UCK2: variants seen among roughly 807,000 people sequenced by gnomAD.
UCK2 encodes cytidine monophosphokinase 2.
A neutral mutation model predicts 30.8 loss-of-function variants in UCK2; 6 were observed. The ratio of observed to expected loss-of-function variants is 0.19; its 90% CI spans 0.11 to 0.38. The LOEUF is 0.38. Ranked by LOEUF, UCK2 falls within the 10% of genes least tolerant of loss-of-function variation. UCK2 has a pLI of 1.00. For missense variants in UCK2, 210 were observed against 339.8 expected (o/e 0.62, Z 3.00); for synonymous variants, 125 against 133.6 (o/e 0.94, Z 0.45).
chr1:165,874,809 G>A (rs1655293489), intron 1 of UCK2, among the ~76,000 whole-genome samples: 1 of 152,198 alleles, frequency 6.6e-6, no homozygotes, highest in Non-Finnish European at 1.5e-5. Context: ...TTCTAGAAGA[G>A]GGTGCTGTCC....
intron 1 of UCK2, among the ~76,000 whole-genome samples, chr1:165,877,067 G>A (rs1403174949): frequency 1.3e-5 from 2 of 152,008 alleles, no homozygotes; most frequent in African/African-American, 4.8e-5. Context: ...AGATTTTGGG[G>A]GGCAACAATG....
chr1:165,868,703 G>A (rs1470805513), intron 1 of UCK2, among the ~76,000 whole-genome samples: 1 of 152,220 alleles, frequency 6.6e-6, no homozygotes, highest in Non-Finnish European at 1.5e-5. Context: ...TCAAGGGAAT[G>A]TTATGGCTGG....
chr1:165,881,869 G>A (rs1655508640), intron 1 of UCK2, among the ~76,000 whole-genome samples: 2 of 152,166 alleles, frequency 1.3e-5, no homozygotes, highest in South Asian at 4.1e-4. Flanking sequence ...GGCACTTCAG[G>A]GAAAAGTCCT....
intron 1 of UCK2, among the ~76,000 whole-genome samples, chr1:165,871,376 C>G (rs987588480): frequency 1.3e-5 from 2 of 152,200 alleles, no homozygotes; most frequent in East Asian, 3.8e-4. Context: ...GGCCTGATCC[C>G]TTAGCATGTG....
At chr1:165,845,448 C>G (rs1292106062) in intron 1 of UCK2, among the ~76,000 whole-genome samples, 1 of 152,154 alleles carries the variant, frequency 6.6e-6, no homozygotes, top group Non-Finnish European at 1.5e-5. Context: ...AATGTTACCT[C>G]TCTTGGGAAA....
intron 1 of UCK2, among the ~76,000 whole-genome samples, chr1:165,838,342 T>C (rs900207995): frequency 6.6e-5 from 10 of 152,232 alleles, no homozygotes; most frequent in Admixed American, 2.0e-4. Flanking sequence ...TCCTAGTAAA[T>C]TAAGTCTACA....
At chr1:165,900,172 C>T (rs1647406853) in intron 4 of UCK2, 1 of 152,120 alleles carries the variant, frequency 6.6e-6, no homozygotes, top group Non-Finnish European at 1.5e-5. Flanking sequence ...TACCTGAATT[C>T]GAGGTTCCCG....
In UCK2 at chr1:165,880,614, T is replaced by A. The variant is rs182593628; in HGVS notation, c.100-9590T>A. On this transcript the variant is annotated intron_variant, in intron 1 of 6. Transcript: ENST00000367879. ...GTGTGTGTGTGTGTGTGTGTGTGTG[T>A]GATGTCTTTTGTGTTTGTCCTGTGG... Among the ~76,000 whole-genome samples the A allele has an allele frequency of 6.7e-3, 1,013 of 150,452 alleles. 20 individuals carry two copies. Among genetic ancestry groups the A allele is most frequent in the African/African-American group, 0.023 (933 of 40,758 alleles).
intron 1 of UCK2, among the ~76,000 whole-genome samples, chr1:165,861,644 AAAAAACAAAAAAAAAC>A (rs1276648938): frequency 2.2e-5 from 2 of 90,890 alleles, no homozygotes; most frequent in Non-Finnish European, 4.2e-5. Flanking sequence ...AAAAAAAAAA[AAAAAACAAAAAAAAAC>A]AACAGTAAAA....
intron 1 of UCK2, among the ~76,000 whole-genome samples, chr1:165,856,427 A>G (rs1345796255): frequency 1.4e-5 from 2 of 140,316 alleles, no homozygotes; most frequent in Non-Finnish European, 3.1e-5. Context: ...TTTTGTCATT[A>G]AAATTTCCTC....
At chr1:165,866,639 A>C (rs1402560413) in intron 1 of UCK2, among the ~76,000 whole-genome samples, 1 of 152,150 alleles carries the variant, frequency 6.6e-6, no homozygotes. Flanking sequence ...CATCTTCTCT[A>C]ACTTAAACTC....
intron 1 of UCK2, among the ~76,000 whole-genome samples, chr1:165,844,651 G>A (rs1036484571): frequency 2.0e-5 from 3 of 152,190 alleles, no homozygotes; most frequent in Admixed American, 2.0e-4. Context: ...AGAACTTTCA[G>A]CCCCATGCCC....
rs191711753 is a variant in UCK2, at chr1:165,903,100, G to A, written c.500-82G>A. The A allele has an allele frequency of 5.2e-5, 53 of 1,017,816 alleles. No homozygotes were observed. In the African/African-American group the frequency reaches 8.0e-4, roughly 15 times the overall value. 63.0% of individuals were successfully genotyped at this position (1,017,816 alleles called of 1,614,324 possible). On this transcript the variant is annotated intron_variant, in intron 4 of 6. Coordinates refer to ENST00000367879, the MANE Select transcript of UCK2 (RefSeq NM_012474.5). ...ATCTAGAGTAATTGTGGAGCCTGTG[G>A]GAGCTAGGTCCACCCCATGAAGGGC...
chr1:165,861,071 T>C (rs887168810), intron 1 of UCK2, among the ~76,000 whole-genome samples: 5 of 152,158 alleles, frequency 3.3e-5, no homozygotes, highest in Admixed American at 1.3e-4. Flanking sequence ...ATTCAGTGTC[T>C]GGTGGGGGGC....
chr1:165,846,619 A>AGTGG (rs766531050), intron 1 of UCK2, among the ~76,000 whole-genome samples: 24 of 152,184 alleles, frequency 1.6e-4, no homozygotes, highest in Non-Finnish European at 3.2e-4. Flanking sequence ...CACATGTAGA[A>AGTGG]TTTAGTTAAG....
chr1:165,895,550 C>A, intron 3 of UCK2: 2 of 985,508 alleles, frequency 2.0e-6, no homozygotes, highest in Non-Finnish European at 2.4e-6. Flanking sequence ...CTCTAGGGAG[C>A]TCAGGATTGA....
intron 1 of UCK2, among the ~76,000 whole-genome samples, chr1:165,865,924 C>T (rs1655034039): frequency 6.6e-6 from 1 of 152,206 alleles, no homozygotes; most frequent in Admixed American, 6.5e-5. Flanking sequence ...TGCTTACCAC[C>T]TGCTAAGCAG....
intron 1 of UCK2, among the ~76,000 whole-genome samples, chr1:165,860,785 C>T (rs777581794): frequency 6.6e-6 from 1 of 152,108 alleles, no homozygotes; most frequent in African/African-American, 2.4e-5. Context: ...CATATCTATT[C>T]GCTATTCTTG....
chr1:165,887,277 G>A (rs1288258825), intron 1 of UCK2, among the ~76,000 whole-genome samples: 1 of 152,190 alleles, frequency 6.6e-6, no homozygotes, highest in Non-Finnish European at 1.5e-5. Context: ...TGCAGCGGGG[G>A]ATCAACACAA....
Sources: gnomAD v4.1 joint callset for allele counts (sites outside exome capture counted in the v4.1 genomes callset) on GRCh38, gnomAD v4.1.1 for gene constraint, MANE v1.5 for transcripts, NCBI Gene and HGNC (gene_info 2026-07-23, HGNC 2026-07-21) for gene names.